NR2F1-AS1: variants seen among roughly 807,000 people sequenced by gnomAD.
NR2F1-AS1 encodes the protein NR2F1 regulatory antisense RNA 1.
intron 2 of NR2F1-AS1, among the ~76,000 whole-genome samples, chr5:93,560,558 C>G (rs1752464607): frequency 6.6e-6 from 1 of 152,132 alleles, no homozygotes; most frequent in Non-Finnish European, 1.5e-5. Context: ...GAAAAACTAC[C>G]TTTACAATTT....
At chr5:93,415,285 AT>A (rs1310140788) in intron 4 of NR2F1-AS1, among the ~76,000 whole-genome samples, 9 of 151,830 alleles carry the variant, frequency 5.9e-5, no homozygotes, top group Non-Finnish European at 1.3e-4. Context: ...ACATGAGACT[AT>A]GTCTTTTTTG....
intron 4 of NR2F1-AS1, among the ~76,000 whole-genome samples, chr5:93,488,946 C>T (rs945990359): frequency 2.6e-5 from 4 of 152,098 alleles, no homozygotes; most frequent in East Asian, 1.9e-4. Context: ...ATGTCCTTTG[C>T]AGTGACATGG....
chr5:93,533,435 G>A (rs1751774085), intron 4 of NR2F1-AS1, among the ~76,000 whole-genome samples: 1 of 151,994 alleles, frequency 6.6e-6, no homozygotes, highest in South Asian at 2.1e-4. Flanking sequence ...AATAAGTACA[G>A]CACAAATGAG....
At chr5:93,552,101 G>T (rs1265935562) in intron 4 of NR2F1-AS1, among the ~76,000 whole-genome samples, 1 of 152,086 alleles carries the variant, frequency 6.6e-6, no homozygotes, top group Non-Finnish European at 1.5e-5. Flanking sequence ...CTAGAAATTG[G>T]GGATATAAAG....
At chr5:93,466,711 T>C (rs561579413) in intron 4 of NR2F1-AS1, among the ~76,000 whole-genome samples, 2 of 152,150 alleles carry the variant, frequency 1.3e-5, no homozygotes, top group Admixed American at 6.5e-5. Flanking sequence ...TAAGAGTAGA[T>C]CTGATATTCC....
chr5:93,548,587 G>A (rs1752144462), intron 4 of NR2F1-AS1, among the ~76,000 whole-genome samples: 1 of 152,126 alleles, frequency 6.6e-6, no homozygotes, highest in Non-Finnish European at 1.5e-5. Flanking sequence ...ACTGGGTCAG[G>A]CACGGTGGCT....
At position 93,575,987 on chromosome 5, in the gene NR2F1-AS1, C is replaced by T. The variant is rs114760125; in HGVS notation, n.313+4480G>A. Among the ~76,000 whole-genome samples, 161 of 152,250 alleles carry T rather than the reference C, an allele frequency of 1.1e-3. 2 individuals are homozygous for T. The highest frequency in any genetic ancestry group is 3.8e-3 in the African/African-American group (157 of 41,534). ...TTCTATGAAAGCTCAGCTAGCTGTC[C>T]GCATGCATGTATTCACTTCTGGAGT... On this transcript the variant is annotated intron_variant and non_coding_transcript_variant, in intron 1 of 5. Transcript: ENST00000660523.
rs1752967064 is a variant in NR2F1-AS1, at chr5:93,579,379, C to T, written n.313+1088G>A. ...CGGCTTCGCCTGAGGCCTCGCGGGC[C>T]CAACTTCTCCCCACCGCTAGGGTCA... On this transcript the variant is annotated intron_variant and non_coding_transcript_variant, in intron 1 of 5. Coordinates refer to ENST00000660523, the Ensembl canonical transcript of NR2F1-AS1. This position sits in a 1 kb window ranked among gnomAD's most constrained non-coding sequence, Gnocchi z 5.1. Among the ~76,000 whole-genome samples, 1 of 152,110 alleles carries T rather than the reference C, an allele frequency of 6.6e-6. No individual in the cohort carries two copies. Among genetic ancestry groups the T allele is most frequent in the African/African-American group, 2.4e-5 (1 of 41,434 alleles).
At chr5:93,541,553 T>C (rs1478049521) in intron 4 of NR2F1-AS1, among the ~76,000 whole-genome samples, 1 of 152,154 alleles carries the variant, frequency 6.6e-6, no homozygotes, top group Non-Finnish European at 1.5e-5. Flanking sequence ...GCTTGGTTGG[T>C]ATACCTGTGG....
intron 4 of NR2F1-AS1, among the ~76,000 whole-genome samples, chr5:93,550,537 GT>G (rs2149911965): frequency 6.6e-6 from 1 of 152,292 alleles, no homozygotes; most frequent in South Asian, 2.1e-4. Flanking sequence ...AAATCTAACT[GT>G]TTTGCAACTA....
chr5:93,472,804 A>T (rs1750396992), intron 4 of NR2F1-AS1, among the ~76,000 whole-genome samples: 1 of 151,932 alleles, frequency 6.6e-6, no homozygotes, highest in African/African-American at 2.4e-5. Flanking sequence ...TAAAATTTTT[A>T]ATCTGAACAT....
At chr5:93,528,710 T>C (rs1350589958) in intron 4 of NR2F1-AS1, among the ~76,000 whole-genome samples, 2 of 152,172 alleles carry the variant, frequency 1.3e-5, no homozygotes, top group Non-Finnish European at 2.9e-5. Flanking sequence ...CATGGAATAC[T>C]ATGCAGCCAT....
intron 4 of NR2F1-AS1, chr5:93,543,085 A>G (rs1751991494): frequency 6.6e-6 from 1 of 152,264 alleles, no homozygotes; most frequent in South Asian, 2.1e-4. Context: ...CGGAATTTCA[A>G]GCTAAGATTT....
At chr5:93,501,180 A>G (rs1413989579) in intron 4 of NR2F1-AS1, among the ~76,000 whole-genome samples, 1 of 152,200 alleles carries the variant, frequency 6.6e-6, no homozygotes, top group Non-Finnish European at 1.5e-5. Flanking sequence ...TGACAGAAAT[A>G]GCAAAAGAAC....
Sources: allele counts gnomAD v4.1 joint callset (sites outside exome capture counted in the v4.1 genomes callset), GRCh38; gene constraint gnomAD v4.1.1; non-coding constraint Gnocchi (gnomAD v3.1); transcripts MANE v1.5; gene names NCBI Gene and HGNC (gene_info 2026-07-23, HGNC 2026-07-21).